Variants in TRAPPC9 observed in about 807,000 individuals in gnomAD.
TRAPPC9 encodes trafficking protein particle complex subunit 9.
Under a neutral mutation model 124.0 loss-of-function variants are expected in TRAPPC9, and 83 were observed. That is an observed-to-expected ratio of 0.67 (90% confidence interval 0.56 to 0.80). The LOEUF (loss-of-function observed/expected upper bound fraction) is 0.80, where lower values mean the gene tolerates loss of function less well. TRAPPC9 is among the 30% of genes least tolerant of loss of function. The pLI is 0.00. For missense variants in TRAPPC9, 1,302 were observed against 1,508.3 expected, an observed-to-expected ratio of 0.86 and a Z score of 2.27; for synonymous variants, 638 against 617.5, an observed-to-expected ratio of 1.03 and a Z score of -0.49.
chr8:140,293,610 C>T (rs2065724363), intron 11 of TRAPPC9, among the ~76,000 whole-genome samples: 2 of 151,728 alleles, frequency 1.3e-5, no homozygotes, highest in African/African-American at 4.8e-5. Flanking sequence ...TAAACTATCG[C>T]AAAAACAAAA....
At chr8:140,392,113 T>C (rs2068943830) in intron 7 of TRAPPC9, among the ~76,000 whole-genome samples, 1 of 152,186 alleles carries the variant, frequency 6.6e-6, no homozygotes, top group African/African-American at 2.4e-5. Context: ...AGAGCTTGGA[T>C]TTTAGAACCC....
At chr8:139,857,025 T>A (rs1434404558) in intron 21 of TRAPPC9, among the ~76,000 whole-genome samples, 3 of 150,636 alleles carry the variant, frequency 2.0e-5, no homozygotes, top group Non-Finnish European at 4.4e-5. Context: ...AACGGGACAG[T>A]CGGGACGCCC....
chr8:140,454,353 A>C (rs1264751694), intron 1 of TRAPPC9, among the ~76,000 whole-genome samples: 1 of 150,772 alleles, frequency 6.6e-6, no homozygotes, highest in Non-Finnish European at 1.5e-5. Context: ...AAAGCAGCAT[A>C]ATCAGCCGGG....
intron 17 of TRAPPC9, among the ~76,000 whole-genome samples, chr8:140,165,491 A>T (rs2130912853): frequency 6.6e-6 from 1 of 151,204 alleles, no homozygotes; most frequent in South Asian, 2.1e-4. Flanking sequence ...GTGAGCTGAG[A>T]TCACGCCACT....
At position 140,287,752 on chromosome 8, in the gene TRAPPC9, G is replaced by C; in HGVS notation, c.1855-18C>G. On this transcript the variant is annotated intron_variant, in intron 12 of 22. Transcript: ENST00000438773. Reference sequence around the variant, plus strand: ...AGCAGCCCCTAAACCAAGCGACGCAGCATCGTAAGCCCGGAGCAAACCTAC... The same window carrying C: ...AGCAGCCCCTAAACCAAGCGACGCACCATCGTAAGCCCGGAGCAAACCTAC... The C allele has an allele frequency of 6.2e-7, 1 of 1,613,992 alleles. No individual in the cohort carries two copies. Among genetic ancestry groups the C allele is most frequent in the Non-Finnish European group, 8.5e-7 (1 of 1,180,018 alleles).
At chr8:139,918,756 G>A (rs984297505) in intron 19 of TRAPPC9, among the ~76,000 whole-genome samples, 5 of 152,190 alleles carry the variant, frequency 3.3e-5, no homozygotes, top group East Asian at 3.8e-4. Context: ...TTTCTTCAGC[G>A]CAGAAAATAG....
chr8:139,793,951 C>T (rs986831798), intron 21 of TRAPPC9, among the ~76,000 whole-genome samples: 1 of 152,204 alleles, frequency 6.6e-6, no homozygotes, highest in Non-Finnish European at 1.5e-5. Context: ...AGCTCCACCC[C>T]ACTGGCCACA....
chr8:140,404,866 G>A (rs11166975), intron 6 of TRAPPC9, among the ~76,000 whole-genome samples: 2 of 151,082 alleles, frequency 1.3e-5, no homozygotes, highest in Non-Finnish European at 3.0e-5. Flanking sequence ...GCGGGTGTGA[G>A]CATGCGCGTG....
At chr8:139,922,399 G>T (rs950285252) in intron 19 of TRAPPC9, among the ~76,000 whole-genome samples, 1 of 152,220 alleles carries the variant, frequency 6.6e-6, no homozygotes, top group African/African-American at 2.4e-5. Context: ...GGCCAGGCTG[G>T]TCTCAAACTC....
At chr8:139,763,371 T>G (rs1820364429) in intron 21 of TRAPPC9, among the ~76,000 whole-genome samples, 2 of 152,226 alleles carry the variant, frequency 1.3e-5, no homozygotes, top group Non-Finnish European at 2.9e-5. Flanking sequence ...TCTAGAAAAC[T>G]AATTCCTTAT....
intron 19 of TRAPPC9, chr8:139,932,251 TC>T: frequency 2.2e-6 from 1 of 449,008 alleles, no homozygotes; most frequent in Non-Finnish European, 4.5e-6. Flanking sequence ...GCCGAGGGAG[TC>T]CCGCACCACG....
intron 19 of TRAPPC9, among the ~76,000 whole-genome samples, chr8:139,967,232 T>C (rs1035982212): frequency 6.6e-6 from 1 of 152,166 alleles, no homozygotes; most frequent in African/African-American, 2.4e-5. Flanking sequence ...CCCCTTCACT[T>C]TTCCCTCTGC....
chr8:140,290,145 G>A (rs1419629590), intron 12 of TRAPPC9, among the ~76,000 whole-genome samples: 1 of 152,136 alleles, frequency 6.6e-6, no homozygotes, highest in South Asian at 2.1e-4. Context: ...CAGGGACCAG[G>A]GCCTGACCAT....
intron 10 of TRAPPC9, among the ~76,000 whole-genome samples, chr8:140,302,016 T>C (rs1383817434): frequency 3.9e-5 from 6 of 152,268 alleles, no homozygotes; most frequent in Non-Finnish European, 2.9e-5. Context: ...TTAATTTTTC[T>C]GCCACAGTGC....
At chr8:140,193,790 C>A (rs2062561917) in intron 17 of TRAPPC9, among the ~76,000 whole-genome samples, 2 of 152,178 alleles carry the variant, frequency 1.3e-5, no homozygotes, top group Non-Finnish European at 2.9e-5. Flanking sequence ...CGATTGTGGA[C>A]AAACTATCGC....
chr8:139,919,312 G>A (rs1335891171), intron 19 of TRAPPC9, among the ~76,000 whole-genome samples: 1 of 152,204 alleles, frequency 6.6e-6, no homozygotes, highest in Non-Finnish European at 1.5e-5. Context: ...GGCTAGTCGG[G>A]ATTTGGGAGA....
intron 21 of TRAPPC9, among the ~76,000 whole-genome samples, chr8:139,791,183 G>A (rs553053839): frequency 7.2e-5 from 11 of 152,168 alleles, no homozygotes; most frequent in African/African-American, 1.9e-4. Flanking sequence ...CCTCAGGGAC[G>A]GTCCCTGTCA....
At position 140,038,270 on chromosome 8, in the gene TRAPPC9, C is replaced by T. The variant is rs1348463723; in HGVS notation, c.2557-14191G>A. On this transcript the variant is annotated intron_variant, in intron 17 of 22. Coordinates refer to ENST00000438773, the MANE Select transcript of TRAPPC9 (RefSeq NM_001160372.4). ...AGGATTCCACAGGTGCTGGTTCCTG[C>T]ATCCCCTTGTTCACCTCTGCTCACC... 3.3e-5 allele frequency among the ~76,000 whole-genome samples: 5 copies of T among 152,200 alleles called. No homozygotes were observed. The South Asian group carries it at 8.3e-4, about 25-fold the overall frequency.
intron 17 of TRAPPC9, among the ~76,000 whole-genome samples, chr8:140,076,041 T>C (rs1050020873): frequency 1.3e-5 from 2 of 152,178 alleles, no homozygotes; most frequent in African/African-American, 4.8e-5. Context: ...TTGCACATGA[T>C]TCTTGTAAAC....
Sources: allele counts gnomAD v4.1 joint callset (sites outside exome capture counted in the v4.1 genomes callset), GRCh38; gene constraint gnomAD v4.1.1; transcripts MANE v1.5; gene names NCBI Gene and HGNC (gene_info 2026-07-23, HGNC 2026-07-21).